Variants in ANO4 observed in about 807,000 individuals in gnomAD.
ANO4 encodes anoctamin 4.
Under a neutral mutation model 141.9 loss-of-function variants are expected in ANO4, and 69 were observed. That is an observed-to-expected ratio of 0.49 (90% CI 0.40 to 0.59). The LOEUF (loss-of-function observed/expected upper bound fraction) is 0.59. ANO4 is among the 20% of genes least tolerant of loss of function. The pLI is 0.00. For missense variants in ANO4, 894 were observed against 1,162.2 expected, an observed-to-expected ratio of 0.77 and a Z score of 3.36; for synonymous variants, 350 against 394.3, an observed-to-expected ratio of 0.89 and a Z score of 1.33.
chr12:100,795,154 GA>G (rs1220515408), intron 1 of ANO4, 127 bp downstream of exon 1: 2 of 152,712 alleles, frequency 1.3e-5, no homozygotes, highest in Non-Finnish European at 2.9e-5. Flanking sequence ...TCTTGTCTGG[GA>G]TGATCCAGCT....
chr12:100,774,059 T>C (rs1424492289), intron 3 of ANO4, among the ~76,000 whole-genome samples: 3 of 152,144 alleles, frequency 2.0e-5, no homozygotes, highest in African/African-American at 7.2e-5. Context: ...GCAAAGGAAA[T>C]ATTTACTGTC....
chr12:100,725,054 C>T (rs185968867), intron 1 of ANO4, among the ~76,000 whole-genome samples: 7 of 152,220 alleles, frequency 4.6e-5, no homozygotes, highest in East Asian at 3.9e-4. Context: ...ATTTCTAGTG[C>T]GCCAGTGTAG....
intron 1 of ANO4, among the ~76,000 whole-genome samples, chr12:100,871,750 T>C (rs1158823272): frequency 6.6e-6 from 1 of 152,198 alleles, no homozygotes; most frequent in Admixed American, 6.5e-5. Flanking sequence ...CATTCTCACA[T>C]GGTGCAAAGG....
At chr12:100,727,422 CA>C (rs1367811909) in intron 1 of ANO4, among the ~76,000 whole-genome samples, 3 of 152,194 alleles carry the variant, frequency 2.0e-5, no homozygotes, top group Admixed American at 6.5e-5. Context: ...CATTATTACT[CA>C]CCACCTTTAT....
Position 101,065,027 on chromosome 12 carries a change from G to A in ANO4, c.1313-14166G>A, listed in dbSNP as rs79053247. On this transcript the variant is annotated intron_variant, in intron 14 of 27. Coordinates refer to ENST00000392977, the MANE Select transcript of ANO4 (RefSeq NM_001286615.2). ...CCTTATTTTACTTAATTATGTCATCGAAGTGCAAGAGTATTGATGCTGGCA... is the reference window on the plus strand; with the variant it reads ...CCTTATTTTACTTAATTATGTCATCAAAGTGCAAGAGTATTGATGCTGGCA... Among the ~76,000 whole-genome samples the A allele has an allele frequency of 5.6e-3, 856 of 152,164 alleles. 13 individuals carry two copies. The highest frequency in any genetic ancestry group is 0.02 in the African/African-American group (819 of 41,500).
At chr12:101,008,490 C>A (rs2045956122) in intron 8 of ANO4, among the ~76,000 whole-genome samples, 1 of 152,100 alleles carries the variant, frequency 6.6e-6, no homozygotes, top group African/African-American at 2.4e-5. Flanking sequence ...GATACCTATT[C>A]TTATCCTTTC....
chr12:100,792,227 A>G (rs1030497497), upstream of ANO4, among the ~76,000 whole-genome samples: 111 of 152,316 alleles, frequency 7.3e-4, no homozygotes, highest in African/African-American at 2.6e-3. Flanking sequence ...CTCTGTCAAC[A>G]AGCTTCTGTG....
chr12:100,898,516 T>C (rs925233749), intron 1 of ANO4, among the ~76,000 whole-genome samples: 1 of 152,222 alleles, frequency 6.6e-6, no homozygotes, highest in Non-Finnish European at 1.5e-5. Flanking sequence ...ACATACCCAC[T>C]TTCCTCATAC....
chr12:100,954,596 A>T (rs1044318487), intron 5 of ANO4, among the ~76,000 whole-genome samples: 1 of 152,130 alleles, frequency 6.6e-6, no homozygotes, highest in African/African-American at 2.4e-5. Flanking sequence ...GGTGACAACA[A>T]ACAATATAGT....
intron 2 of ANO4, among the ~76,000 whole-genome samples, chr12:100,914,480 TACA>T (rs1426390415): frequency 1.3e-5 from 2 of 152,206 alleles, no homozygotes; most frequent in Non-Finnish European, 2.9e-5. Context: ...AGAATGAACT[TACA>T]ACATCATAAG....
At chr12:100,913,878 T>C (rs1391653054) in intron 2 of ANO4, among the ~76,000 whole-genome samples, 1 of 152,180 alleles carries the variant, frequency 6.6e-6, no homozygotes, top group Non-Finnish European at 1.5e-5. Flanking sequence ...AGGGCAATAT[T>C]CCTTCTCATA....
intron 3 of ANO4, among the ~76,000 whole-genome samples, chr12:100,781,114 A>G (rs1391135943): frequency 2.0e-5 from 3 of 152,124 alleles, no homozygotes; most frequent in African/African-American, 7.2e-5. Context: ...TTTAACTTGA[A>G]CTCACAAGTC....
intron 1 of ANO4, among the ~76,000 whole-genome samples, chr12:100,819,708 G>T (rs1332388854): frequency 6.6e-6 from 1 of 151,930 alleles, no homozygotes; most frequent in Admixed American, 6.6e-5. Flanking sequence ...TAACAGCATA[G>T]ATACCAATCA....
Position 101,097,907 on chromosome 12 carries a change from A to G in ANO4, c.1968A>G (p.Leu656=), listed in dbSNP as rs1474361666. ...LCMQMGIIMV[L]KQTWNNFMEL... Reference sequence around the variant, plus strand: ...TGCAAATGGGTATTATAATGGTGCTAAAGCAGACCTGGAATAATTTCATGG... The same window carrying G: ...TGCAAATGGGTATTATAATGGTGCTGAAGCAGACCTGGAATAATTTCATGG... The change falls in exon 21 of 28, where the codon CTA becomes CTG. Residue 656 remains leucine (L), a synonymous_variant. Coordinates refer to ENST00000392977, the MANE Select transcript of ANO4 (RefSeq NM_001286615.2). 4 of 1,613,740 alleles carry G rather than the reference A, an allele frequency of 2.5e-6. No individual in the cohort carries two copies. Among genetic ancestry groups the G allele is most frequent in the African/African-American group, 1.3e-5 (1 of 74,912 alleles).
chr12:100,845,737 A>G (rs1217300066), intron 1 of ANO4, among the ~76,000 whole-genome samples: 1 of 152,052 alleles, frequency 6.6e-6, no homozygotes, highest in Non-Finnish European at 1.5e-5. Flanking sequence ...GGAAAGGGGG[A>G]ATAAATGAAA....
intron 2 of ANO4, among the ~76,000 whole-genome samples, chr12:100,910,686 A>G (rs947001684): frequency 2.0e-5 from 3 of 152,170 alleles, no homozygotes; most frequent in African/African-American, 4.8e-5. Flanking sequence ...GCTAATGACT[A>G]TGCCATATAA....
chr12:100,940,387 G>A (rs2042462139), intron 4 of ANO4, among the ~76,000 whole-genome samples: 1 of 152,124 alleles, frequency 6.6e-6, no homozygotes, highest in Admixed American at 6.6e-5. Context: ...CTTTGCCAAA[G>A]GTGGCACAGC....
chr12:100,976,714 A>C (rs2044210273), intron 7 of ANO4, among the ~76,000 whole-genome samples: 1 of 152,214 alleles, frequency 6.6e-6, no homozygotes, highest in African/African-American at 2.4e-5. Context: ...GCCAAGCTCC[A>C]TCTTCTCATT....
chr12:101,116,353 T>C (rs1248362101), intron 24 of ANO4, among the ~76,000 whole-genome samples: 1 of 152,184 alleles, frequency 6.6e-6, no homozygotes, highest in Non-Finnish European at 1.5e-5. Flanking sequence ...ATGTGTATCA[T>C]CAACAAAAGA....
Sources: gnomAD v4.1 joint callset for allele counts (sites outside exome capture counted in the v4.1 genomes callset) on GRCh38, gnomAD v4.1.1 for gene constraint, MANE v1.5 for transcripts, NCBI Gene and HGNC (gene_info 2026-07-23, HGNC 2026-07-21) for gene names.